Variants in IL2 observed in about 807,000 individuals in gnomAD.
IL2 encodes interleukin-2.
A neutral mutation model predicts 14.6 loss-of-function variants in IL2; 3 were observed. The ratio of observed to expected loss-of-function variants is 0.21; its 90% CI spans 0.09 to 0.53. IL2 has a LOEUF of 0.53. Among genes scored for constraint, IL2 ranks in the 20% least tolerant of loss-of-function variants. The pLI, the probability that IL2 is intolerant of heterozygous loss-of-function variation, is 0.95. For synonymous variants in IL2, 71 were observed against 60.0 expected (o/e 1.18, Z -0.85); for missense variants, 125 against 170.8 (o/e 0.73, Z 1.50).
intron 3 of IL2, among the ~76,000 whole-genome samples, chr4:122,453,091 G>C (rs1254255630): frequency 6.6e-6 from 1 of 151,810 alleles, no homozygotes; most frequent in East Asian, 1.9e-4. Flanking sequence ...TATACCTTAG[G>C]AGACGGGATA....
At position 122,456,126 on chromosome 4, in the gene IL2, A is replaced by G; in HGVS notation, c.207+18T>C. On this transcript the variant is annotated intron_variant, in intron 2 of 3. Transcript: ENST00000226730. ...AATTTTATTAAAACAGAAATTGAAC[A>G]TAAAATATTGTACTTACCTTCTTGG... The G allele has an allele frequency of 1.9e-6, 3 of 1,559,144 alleles. No individual in the cohort carries two copies. The South Asian group carries it at 3.4e-5, about 18-fold the overall frequency.
intron 2 of IL2, among the ~76,000 whole-genome samples, chr4:122,454,111 C>T (rs1023272556): frequency 4.6e-5 from 7 of 151,852 alleles, no homozygotes; most frequent in Non-Finnish European, 1.0e-4. Flanking sequence ...AGACTTTCTG[C>T]ATCTAAATGC....
rs372649847 is a variant in IL2, at chr4:122,453,382, A to T, written c.351+328T>A. On this transcript the variant is annotated intron_variant, in intron 3 of 3. Coordinates refer to ENST00000226730, the MANE Select transcript of IL2 (RefSeq NM_000586.4). ...AGTAAATGATCTGAAGGAATTGAAA[A>T]ATATATAGTAAAATCTGCCTGCTTT... is the stretch of plus-strand genomic sequence containing the variant. 2.6e-5 allele frequency among the ~76,000 whole-genome samples: 4 copies of T among 151,878 alleles called. No individual in the cohort carries two copies. In the East Asian group the frequency reaches 5.8e-4, roughly 22 times the overall value.
chr4:122,452,840 G>T (rs1797689675), intron 3 of IL2, among the ~76,000 whole-genome samples: 1 of 151,862 alleles, frequency 6.6e-6, no homozygotes, highest in South Asian at 2.1e-4. Flanking sequence ...TCTTAAATTT[G>T]TATCAAGAGT....
intron 2 of IL2, among the ~76,000 whole-genome samples, chr4:122,454,935 C>G (rs1284265556): frequency 6.6e-6 from 1 of 151,722 alleles, no homozygotes; most frequent in African/African-American, 2.4e-5. Flanking sequence ...CCTGATATGT[C>G]CATCTATTGC....
intron 2 of IL2, among the ~76,000 whole-genome samples, chr4:122,455,301 C>A (rs1185918430): frequency 6.6e-6 from 1 of 151,872 alleles, no homozygotes; most frequent in African/African-American, 2.4e-5. Context: ...TAGCTTTACA[C>A]ACCTAATGTA....
chr4:122,452,950 A>G (rs1797690442), intron 3 of IL2, among the ~76,000 whole-genome samples: 1 of 151,888 alleles, frequency 6.6e-6, no homozygotes, highest in Non-Finnish European at 1.5e-5. Flanking sequence ...ATCTCAATGT[A>G]TTTTTTTAAT....
At position 122,453,802 on chromosome 4, in the gene IL2, C is replaced by G; in HGVS notation, c.259G>C (p.Glu87Gln). 2 of 1,611,542 alleles carry G rather than the reference C, an allele frequency of 1.2e-6. No individual in the cohort carries two copies. Among genetic ancestry groups the G allele is most frequent in the Non-Finnish European group, 1.7e-6 (2 of 1,178,300 alleles). ...CTTTGAGCTAAATTTAGCACTTCCT[C>G]CAGAGGTTTGAGTTCTTCTTCTAGA... ...QCLEEELKPL[E>Q]EVLNLAQSKN... The change falls in exon 3 of 4, where the codon GAG (glutamate) becomes CAG (glutamine). Residue 87 changes from glutamate to glutamine, a missense_variant. Glu to Gln is a conservative substitution (Grantham distance 29). Transcript: ENST00000226730.
At chr4:122,454,184 G>A (rs1161771082) in intron 2 of IL2, among the ~76,000 whole-genome samples, 1 of 151,818 alleles carries the variant, frequency 6.6e-6, no homozygotes, top group Non-Finnish European at 1.5e-5. Context: ...AACCAGATGA[G>A]TTAGAATGTG....
chr4:122,455,747 G>T (rs961895342), intron 2 of IL2, among the ~76,000 whole-genome samples: 1 of 151,856 alleles, frequency 6.6e-6, no homozygotes, highest in Non-Finnish European at 1.5e-5. Flanking sequence ...CTCTCACTTA[G>T]AAACCTTTCC....
chr4:122,454,050 A>G (rs1280684242), intron 2 of IL2, among the ~76,000 whole-genome samples, 197 bp from the exon 3 acceptor site: 1 of 151,902 alleles, frequency 6.6e-6, no homozygotes, highest in Non-Finnish European at 1.5e-5. Context: ...GACTAGCGTT[A>G]AGTGATAGTT....
chr4:122,455,086 A>G (rs907698869), intron 2 of IL2, among the ~76,000 whole-genome samples: 2 of 151,894 alleles, frequency 1.3e-5, no homozygotes, highest in Admixed American at 6.6e-5. Context: ...ATTAAACTAG[A>G]GTAACATCTG....
chr4:122,456,021 C>A, intron 2 of IL2, 123 bp downstream of exon 2: 76 of 606,520 alleles, frequency 1.3e-4, no homozygotes, highest in East Asian at 4.1e-4. Flanking sequence ...CTTGGGTTTT[C>A]AAAAAAACAA....
intron 2 of IL2, 82 bp downstream of exon 2, chr4:122,456,062 G>T (rs1479012985): frequency 2.1e-6 from 2 of 966,776 alleles, no homozygotes; most frequent in Admixed American, 3.9e-5. Flanking sequence ...CAGATGAGCT[G>T]CTATTAGTCC....
chr4:122,451,815 G>C lies in IL2; in HGVS notation c.399C>G (p.Thr133=). The stretch of plus-strand genomic sequence containing the variant: ...TCCATCTGTTCAGAAATTCTACAAT[G>C]GTTGCTGTCTCATCAGCATATTCAC... ...FMCEYADETA[T]IVEFLNRWIT... Residue 133 remains threonine, a synonymous_variant, in exon 4 of 4, where the codon ACC becomes ACG. Coordinates refer to ENST00000226730, the MANE Select transcript of IL2 (RefSeq NM_000586.4). 1 of 1,595,186 alleles carries C rather than the reference G, an allele frequency of 6.3e-7. No homozygotes were observed. Among genetic ancestry groups the C allele is most frequent in the Non-Finnish European group, 8.6e-7 (1 of 1,169,212 alleles).
At position 122,456,327 on chromosome 4, in the gene IL2, C is replaced by T. The variant is rs2069763; in HGVS notation, c.114G>A (p.Leu38=). Residue 38 remains leucine (L), a synonymous_variant, in exon 1 of 4, where the codon CTG becomes CTA. Coordinates refer to ENST00000226730, the MANE Select transcript of IL2 (RefSeq NM_000586.4). Reference sequence around the variant, plus strand: ...CATTCAAAATCATCTGTAAATCCAGCAGTAAATGCTCCAGTTGTAGCTGTG... The same window carrying T: ...CATTCAAAATCATCTGTAAATCCAGTAGTAAATGCTCCAGTTGTAGCTGTG... ...KKTQLQLEHL[L]LDLQMILNGI... is the part of the protein sequence containing the mutation. The T allele has an allele frequency of 6.2e-7, 1 of 1,609,926 alleles. No homozygotes were observed. The highest frequency in any genetic ancestry group is 8.5e-7 in the Non-Finnish European group (1 of 1,177,018).
chr4:122,452,985 G>A (rs543624694), intron 3 of IL2, among the ~76,000 whole-genome samples: 5 of 151,906 alleles, frequency 3.3e-5, no homozygotes, highest in Admixed American at 2.6e-4. Flanking sequence ...CCACTAATAA[G>A]TGATTCATTT....
At chr4:122,451,888 T>C in intron 3 of IL2, 26 bp from the exon 4 acceptor site, 1 of 1,293,212 alleles carries the variant, frequency 7.7e-7, no homozygotes, top group Non-Finnish European at 1.1e-6. Flanking sequence ...GTTAATTTTT[T>C]AAAGTACAGA....
chr4:122,453,561 T>C (rs1462620927), intron 3 of IL2, 149 bp downstream of exon 3: 1 of 619,166 alleles, frequency 1.6e-6, no homozygotes, highest in Non-Finnish European at 2.8e-6. Flanking sequence ...TAGAAATGAT[T>C]CATGTTCACA....
Sources: allele counts gnomAD v4.1 joint callset (sites outside exome capture counted in the v4.1 genomes callset), GRCh38; gene constraint gnomAD v4.1.1; transcripts MANE v1.5; gene names NCBI Gene and HGNC (gene_info 2026-07-23, HGNC 2026-07-21).